Variants in MLLT3 observed in about 807,000 individuals in gnomAD.
The protein encoded by MLLT3 is MLLT3 super elongation complex subunit.
A neutral mutation model predicts 53.2 loss-of-function variants in MLLT3; 4 were observed. The observed-to-expected ratio is 0.08, with a 90% CI of 0.04 to 0.17. The LOEUF (loss-of-function observed/expected upper bound fraction) is 0.17. Among genes scored for constraint, MLLT3 ranks in the 10% least tolerant of loss-of-function variants. The pLI, the probability that MLLT3 is intolerant of heterozygous loss-of-function variation, is 1.00. For synonymous variants in MLLT3, 283 were observed against 230.6 expected, an observed-to-expected ratio of 1.23 and a Z score of -2.06; for missense variants, 569 against 684.0, an observed-to-expected ratio of 0.83 and a Z score of 1.87.
chr9:20,491,019 T>A (rs1448154030), intron 2 of MLLT3, among the ~76,000 whole-genome samples: 1 of 152,124 alleles, frequency 6.6e-6, no homozygotes, highest in African/African-American at 2.4e-5. Context: ...ATTTTAAAGA[T>A]CAGAAAACTT....
intron 2 of MLLT3, among the ~76,000 whole-genome samples, chr9:20,556,582 C>T (rs1040697725): frequency 6.6e-6 from 1 of 152,068 alleles, no homozygotes; most frequent in African/African-American, 2.4e-5. Flanking sequence ...ACTCAGGAGG[C>T]TGAGCCAGAA....
At chr9:20,354,345 T>C (rs1376172640) in intron 9 of MLLT3, among the ~76,000 whole-genome samples, 1 of 152,198 alleles carries the variant, frequency 6.6e-6, no homozygotes, top group African/African-American at 2.4e-5. Flanking sequence ...TTGTGAAACA[T>C]TACAGAGGTC....
intron 4 of MLLT3, among the ~76,000 whole-genome samples, chr9:20,440,155 G>T (rs1356293113): frequency 6.6e-6 from 1 of 152,166 alleles, no homozygotes; most frequent in Non-Finnish European, 1.5e-5. Flanking sequence ...GGAGAAAGGA[G>T]ATATTATGCT....
At position 20,347,151 on chromosome 9, in the gene MLLT3, G is replaced by C. The variant is rs568989398; in HGVS notation, c.1576-577C>G. 5.3e-5 allele frequency among the ~76,000 whole-genome samples: 8 copies of C among 151,902 alleles called. No homozygotes were observed. In the East Asian group the frequency reaches 1.5e-3, roughly 29 times the overall value. ...CCCCCTTAACAGATAGTGACCAGAG[G>C]GGGCTCAAGGGAGCCTTCTAGAGTA... is the stretch of plus-strand genomic sequence containing the variant. On this transcript the variant is annotated intron_variant, in intron 10 of 10. Coordinates refer to ENST00000380338, the MANE Select transcript of MLLT3 (RefSeq NM_004529.4).
intron 4 of MLLT3, among the ~76,000 whole-genome samples, chr9:20,417,432 G>A (rs1430536471): frequency 6.7e-6 from 1 of 149,636 alleles, no homozygotes; most frequent in East Asian, 1.9e-4. Flanking sequence ...TCTTGTCACT[G>A]GCTTTTTAAA....
chr9:20,575,026 T>G (rs1819619785), intron 2 of MLLT3, among the ~76,000 whole-genome samples: 1 of 152,218 alleles, frequency 6.6e-6, no homozygotes, highest in South Asian at 2.1e-4. Context: ...AAGAAGCAAC[T>G]CCTCATCTGT....
rs963762978 is a variant in MLLT3 at position 20,343,742 on chromosome 9, G to T, written c.*2701C>A. On this transcript the variant is annotated 3_prime_UTR_variant, in exon 11 of 11. Transcript: ENST00000380338. ...CATCTATTTATATATGTACACCAAA[G>T]AAATTAAACCCTGCCATTTTCCCTT... 4.6e-6 allele frequency: 1 copy of T among 215,856 alleles called. No individual in the cohort carries two copies. Among genetic ancestry groups the T allele is most frequent in the African/African-American group, 2.2e-5 (1 of 44,474 alleles). 13.4% of individuals were successfully genotyped at this position (215,856 alleles called of 1,614,324 possible). A position where few individuals can be genotyped will look rare whatever the true frequency, so the allele number is the denominator to read the frequency against.
At chr9:20,506,015 T>C (rs1383953271) in intron 2 of MLLT3, among the ~76,000 whole-genome samples, 2 of 152,118 alleles carry the variant, frequency 1.3e-5, no homozygotes, top group East Asian at 1.9e-4. Context: ...AAACAAGGGA[T>C]AGTTGGTCAC....
intron 4 of MLLT3, among the ~76,000 whole-genome samples, chr9:20,435,594 A>G (rs1460696925): frequency 2.6e-5 from 4 of 152,182 alleles, no homozygotes; most frequent in Non-Finnish European, 5.9e-5. Flanking sequence ...GCCTCTTGGA[A>G]GGACATTTTT....
At chr9:20,530,493 T>C (rs1818303400) in intron 2 of MLLT3, among the ~76,000 whole-genome samples, 1 of 152,210 alleles carries the variant, frequency 6.6e-6, no homozygotes, top group African/African-American at 2.4e-5. Context: ...GGTTAAGCTG[T>C]CAGCTTCTAG....
At chr9:20,590,007 G>T (rs1393067245) in intron 2 of MLLT3, among the ~76,000 whole-genome samples, 2 of 152,104 alleles carry the variant, frequency 1.3e-5, no homozygotes, top group African/African-American at 4.8e-5. Context: ...CTGGTGATTT[G>T]TAAGCAGCCC....
intron 2 of MLLT3, among the ~76,000 whole-genome samples, chr9:20,571,230 C>A (rs1269569224): frequency 6.6e-6 from 1 of 152,210 alleles, no homozygotes; most frequent in Non-Finnish European, 1.5e-5. Context: ...AACCTTTTAA[C>A]TGCAACAAAA....
chr9:20,404,717 G>C (rs1348987759), intron 5 of MLLT3, among the ~76,000 whole-genome samples: 1 of 152,026 alleles, frequency 6.6e-6, no homozygotes, highest in African/African-American at 2.4e-5. Context: ...TGTTGCCCAG[G>C]CCGGTCTTGA....
intron 2 of MLLT3, among the ~76,000 whole-genome samples, chr9:20,588,973 T>C (rs529575485): frequency 2.0e-5 from 3 of 151,030 alleles, no homozygotes; most frequent in African/African-American, 7.3e-5. Context: ...AGGAACACTT[T>C]TACACTGTTG....
intron 5 of MLLT3, among the ~76,000 whole-genome samples, chr9:20,366,244 T>C (rs571693145): frequency 3.9e-4 from 60 of 152,298 alleles, no homozygotes; most frequent in Non-Finnish European, 6.6e-4. Flanking sequence ...TTCCCCTCCC[T>C]GTGTCTATGT....
chr9:20,352,079 C>A (rs1251667154), intron 10 of MLLT3, among the ~76,000 whole-genome samples: 1 of 152,214 alleles, frequency 6.6e-6, no homozygotes, highest in Non-Finnish European at 1.5e-5. Context: ...AGCCACCTTT[C>A]TTCGCAATTC....
intron 2 of MLLT3, among the ~76,000 whole-genome samples, chr9:20,593,681 G>C (rs892556672): frequency 6.6e-6 from 1 of 152,098 alleles, no homozygotes; most frequent in Non-Finnish European, 1.5e-5. Context: ...GAACCAACCA[G>C]TGATCTCTGG....
chr9:20,596,570 A>G (rs1452493363), intron 2 of MLLT3, among the ~76,000 whole-genome samples: 1 of 152,204 alleles, frequency 6.6e-6, no homozygotes, highest in African/African-American at 2.4e-5. Context: ...GCATGCCTGT[A>G]GTCCCAGTTA....
At chr9:20,600,834 CAT>C (rs1472799446) in intron 2 of MLLT3, among the ~76,000 whole-genome samples, 4 of 152,174 alleles carry the variant, frequency 2.6e-5, no homozygotes, top group Non-Finnish European at 5.9e-5. Context: ...GTATACATGA[CAT>C]AGATCACTCT....
Sources: gnomAD v4.1 joint callset for allele counts (sites outside exome capture counted in the v4.1 genomes callset) on GRCh38, gnomAD v4.1.1 for gene constraint, MANE v1.5 for transcripts, NCBI Gene and HGNC (gene_info 2026-07-23, HGNC 2026-07-21) for gene names.